The following CMC2 variants were observed in gnomAD, a reference collection of about 807,000 sequenced individuals.
The protein encoded by CMC2 is C-X9-C motif containing 2, also known as COX assembly mitochondrial protein 2 homolog.
A neutral mutation model predicts 7.5 loss-of-function variants in CMC2; 5 were observed. That is an observed-to-expected ratio of 0.66 (90% CI 0.35 to 1.40). The LOEUF (loss-of-function observed/expected upper bound fraction) is 1.40, where lower values mean the gene tolerates loss of function less well. CMC2 is among the 40% of genes most tolerant of loss of function. The pLI is 0.04. For synonymous variants in CMC2, 37 were observed against 31.4 expected (o/e 1.18, Z -0.60); for missense variants, 115 against 92.3 (o/e 1.25, Z -1.01).
In CMC2 at chr16:80,997,302, C is replaced by T. The variant is rs760467165; in HGVS notation, c.81+12G>A. 16 of 768,830 alleles carry T rather than the reference C, an allele frequency of 2.1e-5. No homozygotes were observed. Among genetic ancestry groups the T allele is most frequent in the African/African-American group, 3.5e-5 (2 of 56,542 alleles). 47.6% of individuals were successfully genotyped at this position (768,830 alleles called of 1,614,324 possible). A position where few individuals can be genotyped will look rare whatever the true frequency, so the allele number is the denominator to read the frequency against. ...TCATTTTGGCTGTACAGTCGTTTTT[C>T]TGAACTCTTACATTTTTGTGACATT... is the stretch of plus-strand genomic sequence containing the variant. On this transcript the variant is annotated intron_variant, in intron 2 of 3. Coordinates refer to ENST00000219400, the MANE Select transcript of CMC2 (RefSeq NM_020188.5).
intron 1 of CMC2, among the ~76,000 whole-genome samples, chr16:81,002,750 A>G (rs2098689182): frequency 1.3e-5 from 2 of 152,230 alleles, no homozygotes; most frequent in Non-Finnish European, 2.9e-5. Flanking sequence ...TAGGGTACCA[A>G]TAAAACGTCT....
intron 2 of CMC2, among the ~76,000 whole-genome samples, chr16:80,989,604 G>A (rs1445322231): frequency 1.3e-5 from 2 of 152,172 alleles, no homozygotes; most frequent in African/African-American, 4.8e-5. Flanking sequence ...TTACGGAAGA[G>A]CGGTATTTAA....
At chr16:80,997,184 A>C (rs1968493374) in intron 2 of CMC2, 130 bp downstream of exon 2, 1 of 657,546 alleles carries the variant, frequency 1.5e-6, no homozygotes, top group Non-Finnish European at 2.7e-6. Flanking sequence ...ATCAACTGCT[A>C]ATCTTGACTA....
chr16:80,988,809 T>C (rs1024536853), intron 2 of CMC2, among the ~76,000 whole-genome samples: 1 of 21,900 alleles, frequency 4.6e-5, no homozygotes, highest in South Asian at 5.0e-3. Context: ...TTTTAGTCTT[T>C]TTTTTTTCCA....
Position 80,970,734 on chromosome 16 carries a change from A to T in CMC2, c.*5359T>A, listed in dbSNP as rs961098867. On this transcript the variant is annotated 3_prime_UTR_variant, in exon 4 of 4. Coordinates refer to ENST00000219400, the MANE Select transcript of CMC2 (RefSeq NM_020188.5). ...AAAGTTTGGCAAGCCTTCTGAATGT[A>T]AGATAAATATACAGAAGTCAATTAC... 6.6e-6 allele frequency: 1 copy of T among 152,238 alleles called. No homozygotes were observed. Among genetic ancestry groups the T allele is most frequent in the Admixed American group, 6.5e-5 (1 of 15,286 alleles). 9.4% of individuals were successfully genotyped at this position (152,238 alleles called of 1,614,324 possible).
chr16:81,002,691 C>T (rs1362870510), intron 1 of CMC2, among the ~76,000 whole-genome samples: 2 of 152,096 alleles, frequency 1.3e-5, no homozygotes, highest in African/African-American at 4.8e-5. Context: ...ATATTTTCCT[C>T]CCTCTATAAC....
chr16:81,003,345 T>C (rs922743772), intron 1 of CMC2, among the ~76,000 whole-genome samples: 3 of 152,254 alleles, frequency 2.0e-5, no homozygotes, highest in Non-Finnish European at 4.4e-5. Context: ...TAAGAAGATA[T>C]CAACGTTATT....
chr16:81,002,555 T>C (rs1391725737), intron 1 of CMC2, among the ~76,000 whole-genome samples: 1 of 152,208 alleles, frequency 6.6e-6, no homozygotes, highest in Non-Finnish European at 1.5e-5. Context: ...GCCTTTACAA[T>C]TCAGAAACAA....
chr16:80,980,943 G>T (rs890822270), intron 3 of CMC2: 3 of 611,644 alleles, frequency 4.9e-6, no homozygotes, highest in Non-Finnish European at 8.9e-6. Context: ...ACTCCAAAAA[G>T]TTCTTCAAAC....
At chr16:80,998,574 C>T (rs1294684549) in intron 1 of CMC2, 1 of 152,142 alleles carries the variant, frequency 6.6e-6, no homozygotes, top group Admixed American at 6.6e-5. Context: ...GATATTTGAA[C>T]ACCCATGTTC....
At chr16:81,006,002 G>C (rs532054537) in intron 1 of CMC2, among the ~76,000 whole-genome samples, 1 of 152,252 alleles carries the variant, frequency 6.6e-6, no homozygotes, top group Non-Finnish European at 1.5e-5. Context: ...AACTAAACAA[G>C]TGCAAAAGCC....
chr16:80,987,504 C>T (rs1056169055), intron 2 of CMC2, among the ~76,000 whole-genome samples: 8 of 152,164 alleles, frequency 5.3e-5, no homozygotes, highest in African/African-American at 1.7e-4. Flanking sequence ...GTAGCTTTGA[C>T]GAAATAAGCT....
At position 80,976,077 on chromosome 16, in the gene CMC2, C is replaced by G. The variant is rs1160017870; in HGVS notation, c.*16G>C. 4 of 1,468,026 alleles carry G rather than the reference C, an allele frequency of 2.7e-6. No individual in the cohort carries two copies. In the African/African-American group the frequency reaches 5.6e-5, roughly 20 times the overall value. The allele number at this position is 1,468,026 out of a possible 1,614,324, so 90.9% of individuals were successfully genotyped here. ...TTAGGTCTTCTCTCAGCCAAGGCAT[C>G]GAGTGAAAATACAATTTATTTTTCG... On this transcript the variant is annotated 3_prime_UTR_variant, in exon 4 of 4. Transcript: ENST00000219400.
At chr16:80,999,441 C>T (rs554028549) in intron 1 of CMC2, among the ~76,000 whole-genome samples, 2 of 152,270 alleles carry the variant, frequency 1.3e-5, no homozygotes, top group South Asian at 2.1e-4. Flanking sequence ...AAAAACATTC[C>T]GTGCTCATGG....
intron 3 of CMC2, among the ~76,000 whole-genome samples, chr16:80,978,767 C>T (rs1966875921): frequency 6.6e-6 from 1 of 151,908 alleles, no homozygotes; most frequent in Non-Finnish European, 1.5e-5. Context: ...CAAGAAATGG[C>T]CATACCCTTT....
At chr16:80,996,220 G>T (rs1279855128) in intron 2 of CMC2, among the ~76,000 whole-genome samples, 1 of 152,018 alleles carries the variant, frequency 6.6e-6, no homozygotes, top group Non-Finnish European at 1.5e-5. Context: ...AATCTAAAGG[G>T]CTATACTGGC....
In CMC2 at chr16:80,971,599, C is replaced by CATATATATATATATATATATATATATAT. The variant is rs947816734; in HGVS notation, c.*4493_*4494insATATATATATATATATATATATATATAT. ...ATATATATATATGTATGAAATCATG[C>CATATATATATATATATATATATATATAT]ATATATATATATGTATGAAATCATG... On this transcript the variant is annotated 3_prime_UTR_variant, in exon 4 of 4. Coordinates refer to ENST00000219400, the MANE Select transcript of CMC2 (RefSeq NM_020188.5). 74 of 113,156 alleles carry CATATATATATATATATATATATATATAT rather than the reference C, an allele frequency of 6.5e-4. 1 individual carries two copies. Among genetic ancestry groups the CATATATATATATATATATATATATATAT allele is most frequent in the African/African-American group, 2.2e-3 (47 of 21,812 alleles). The allele number at this position is 113,156 out of a possible 1,614,324, so 7.0% of individuals were successfully genotyped here.
At chr16:80,994,569 A>C (rs535116653) in intron 2 of CMC2, among the ~76,000 whole-genome samples, 2 of 152,338 alleles carry the variant, frequency 1.3e-5, no homozygotes, top group South Asian at 2.1e-4. Context: ...TTTTATATGA[A>C]TGGCCAAAGA....
At chr16:81,005,747 C>G (rs1178349746) in intron 1 of CMC2, among the ~76,000 whole-genome samples, 1 of 152,174 alleles carries the variant, frequency 6.6e-6, no homozygotes, top group Non-Finnish European at 1.5e-5. Context: ...AATGCGCCCT[C>G]GCAGCTTTCC....
Sources: gnomAD v4.1 joint callset for allele counts (sites outside exome capture counted in the v4.1 genomes callset) on GRCh38, gnomAD v4.1.1 for gene constraint, MANE v1.5 for transcripts, NCBI Gene and HGNC (gene_info 2026-07-23, HGNC 2026-07-21) for gene names.